The following GCNT1 variants were observed in gnomAD, a reference collection of about 807,000 sequenced individuals.
The protein encoded by GCNT1 is beta-1,3-galactosyl-O-glycosyl-glycoprotein beta-1,6-N-acetylglucosaminyltransferase.
Under a neutral mutation model 26.2 loss-of-function variants are expected in GCNT1, and 16 were observed. The ratio of observed to expected loss-of-function variants is 0.61; its 90% CI spans 0.41 to 0.93. The LOEUF (loss-of-function observed/expected upper bound fraction) is 0.93, where lower values mean the gene tolerates loss of function less well. GCNT1 is among the 40% of genes least tolerant of loss of function. The pLI is 0.00. For synonymous variants in GCNT1, 183 were observed against 190.8 expected, an observed-to-expected ratio of 0.96 and a Z score of 0.34; for missense variants, 477 against 526.7, an observed-to-expected ratio of 0.91 and a Z score of 0.92.
chr9:76,399,675 T>C, the GCNT1 span: 1 of 772,074 alleles, frequency 1.3e-6, no homozygotes, highest in Non-Finnish European at 2.1e-6. Context: ...AACCTATTTG[T>C]TTTTACCCCA....
In GCNT1 at chr9:76,504,838, A is replaced by C; in HGVS notation, c.*1170A>C. ...TTTCCTCCTTTCTCAACCTTCCACG[A>C]GGAGGAAAGAAGTGTGCAGTCATTC... On this transcript the variant is annotated 3_prime_UTR_variant, in exon 4 of 4. Coordinates refer to ENST00000376730, the MANE Select transcript of GCNT1 (RefSeq NM_001490.5). 2.4e-6 allele frequency: 1 copy of C among 413,330 alleles called. No individual in the cohort carries two copies. Among genetic ancestry groups the C allele is most frequent in the Non-Finnish European group, 4.4e-6 (1 of 226,118 alleles). The allele number at this position is 413,330 out of a possible 1,614,324, so 25.6% of individuals were successfully genotyped here.
At chr9:76,407,304 A>G in the GCNT1 span, among the ~76,000 whole-genome samples, 13 of 151,932 alleles carry the variant, frequency 8.6e-5, no homozygotes, top group African/African-American at 3.1e-4. Context: ...TATAAAGTCT[A>G]TGTCTAGATT....
intron 1 of GCNT1, among the ~76,000 whole-genome samples, chr9:76,420,783 T>A (rs530725468): frequency 9.2e-5 from 14 of 151,776 alleles, no homozygotes; most frequent in South Asian, 6.3e-4. Flanking sequence ...AAAATAATTT[T>A]AAAAAAATAG....
upstream of GCNT1, among the ~76,000 whole-genome samples, chr9:76,457,914 A>G (rs966027006): frequency 2.6e-5 from 4 of 152,122 alleles, no homozygotes; most frequent in African/African-American, 9.7e-5. Context: ...GAGGATACAC[A>G]AGCTCCTAAA....
intron 2 of GCNT1, among the ~76,000 whole-genome samples, chr9:76,493,208 C>T (rs145752842): frequency 2.9e-4 from 44 of 152,308 alleles, no homozygotes; most frequent in African/African-American, 1.0e-3. Context: ...CTCCAGTCCC[C>T]ATGATCTGAG....
chr9:76,474,312 G>A (rs542148248), intron 2 of GCNT1, among the ~76,000 whole-genome samples: 15 of 152,238 alleles, frequency 9.9e-5, no homozygotes, highest in South Asian at 8.3e-4. Context: ...TATAAGTATC[G>A]TTTATTTGGA....
At chr9:76,433,132 A>C (rs929251067) in intron 1 of GCNT1, among the ~76,000 whole-genome samples, 2 of 152,166 alleles carry the variant, frequency 1.3e-5, no homozygotes, top group Non-Finnish European at 2.9e-5. Context: ...TTCAATAGTC[A>C]GCATAATCTC....
chr9:76,438,235 C>T (rs369040342), upstream of GCNT1, among the ~76,000 whole-genome samples: 50 of 152,226 alleles, frequency 3.3e-4, 1 homozygote, highest in South Asian at 6.6e-3. Flanking sequence ...GTAATATTTA[C>T]GTGGGTTTGA....
the GCNT1 span, among the ~76,000 whole-genome samples, chr9:76,401,831 G>T: frequency 6.6e-6 from 1 of 152,248 alleles, no homozygotes; most frequent in East Asian, 1.9e-4. Context: ...GGAGGTTGTG[G>T]CTGCAGTGAG....
intron 2 of GCNT1, among the ~76,000 whole-genome samples, chr9:76,477,259 G>A (rs566927249): frequency 2.7e-3 from 406 of 151,662 alleles, no homozygotes; most frequent in African/African-American, 9.1e-3. Flanking sequence ...CTGGAGTGGT[G>A]GCTCACGCCT....
chr9:76,503,781 G>A lies in GCNT1; in HGVS notation c.*113G>A. ...GGTATGAAGTCCTCTTTGGGGCAGGGACTCTAGTAGATCTTCTTGTCAGAG... is the reference window on the plus strand; with the variant it reads ...GGTATGAAGTCCTCTTTGGGGCAGGAACTCTAGTAGATCTTCTTGTCAGAG... On this transcript the variant is annotated 3_prime_UTR_variant, in exon 4 of 4. Transcript: ENST00000376730. 1 of 784,104 alleles carries A rather than the reference G, an allele frequency of 1.3e-6. No homozygotes were observed. The highest frequency in any genetic ancestry group is 2.2e-6 in the Non-Finnish European group (1 of 459,180). 48.6% of individuals were successfully genotyped at this position (784,104 alleles called of 1,614,324 possible).
At chr9:76,427,054 A>G (rs1196683225) in intron 1 of GCNT1, among the ~76,000 whole-genome samples, 1 of 152,188 alleles carries the variant, frequency 6.6e-6, no homozygotes, top group Non-Finnish European at 1.5e-5. Context: ...GTCAGCTCCA[A>G]TCCAAAATGA....
At chr9:76,402,653 A>G in the GCNT1 span, among the ~76,000 whole-genome samples, 1 of 151,560 alleles carries the variant, frequency 6.6e-6, no homozygotes, top group South Asian at 2.1e-4. Flanking sequence ...CTGCCTCATA[A>G]TAACCCATAA....
chr9:76,472,735 TTTTCTTTTCTTTTC>T (rs1402753454), intron 2 of GCNT1, among the ~76,000 whole-genome samples: 7 of 95,670 alleles, frequency 7.3e-5, no homozygotes, highest in African/African-American at 1.3e-4. Flanking sequence ...TTTTCTTTTC[TTTTCTTTTCTTTTC>T]TTTTTTTTTT....
upstream of GCNT1, among the ~76,000 whole-genome samples, chr9:76,457,157 G>A (rs1201195555): frequency 6.6e-6 from 1 of 152,166 alleles, no homozygotes; most frequent in Non-Finnish European, 1.5e-5. Flanking sequence ...AAACTCCCAG[G>A]CTCAAGTGAT....
chr9:76,490,506 A>AG (rs1365875149), intron 2 of GCNT1, among the ~76,000 whole-genome samples: 1 of 152,332 alleles, frequency 6.6e-6, no homozygotes, highest in East Asian at 1.9e-4. Context: ...GGCACTGACA[A>AG]GGTCTGATTT....
chr9:76,489,060 G>A (rs1292236522), intron 2 of GCNT1, among the ~76,000 whole-genome samples: 2 of 152,136 alleles, frequency 1.3e-5, no homozygotes, highest in Non-Finnish European at 2.9e-5. Flanking sequence ...ATCTGGCTGG[G>A]ATTACTTGAA....
chr9:76,500,077 C>CT (rs924799351), intron 2 of GCNT1, among the ~76,000 whole-genome samples: 5 of 151,614 alleles, frequency 3.3e-5, no homozygotes, highest in East Asian at 3.9e-4. Context: ...TTATTGACTG[C>CT]TTTTTTTTGT....
At position 76,443,412 on chromosome 9, in the gene GCNT1, T is replaced by C. The variant is rs949125639; in HGVS notation, c.-290+1097T>C. Among the ~76,000 whole-genome samples the C allele has an allele frequency of 2.0e-5, 3 of 152,182 alleles. No homozygotes were observed. The East Asian group carries it at 5.8e-4, about 29-fold the overall frequency. On this transcript the variant is annotated intron_variant, in intron 1 of 2. Coordinates refer to the GCNT1 transcript ENST00000442371. Reference sequence around the variant, plus strand: ...TTAAATTAACTAAAAGTATCCCTTATGGGAAACGAAGGGATGGGCCGAATT... The same window carrying C: ...TTAAATTAACTAAAAGTATCCCTTACGGGAAACGAAGGGATGGGCCGAATT...
Sources: gnomAD v4.1 joint callset for allele counts (sites outside exome capture counted in the v4.1 genomes callset) on GRCh38, gnomAD v4.1.1 for gene constraint, MANE v1.5 for transcripts, NCBI Gene and HGNC (gene_info 2026-07-23, HGNC 2026-07-21) for gene names.